CREB3: variants seen among roughly 807,000 people sequenced by gnomAD.
CREB3 encodes the protein cyclic AMP-responsive element-binding protein 3.
A neutral mutation model predicts 34.5 loss-of-function variants in CREB3; 29 were observed. The observed-to-expected ratio is 0.84, with a 90% CI of 0.63 to 1.15. CREB3 has a LOEUF of 1.15. CREB3 is among the 50% of genes most tolerant of loss of function. CREB3 has a pLI of 0.00. For synonymous variants in CREB3, 187 were observed against 173.9 expected, an observed-to-expected ratio of 1.08 and a Z score of -0.59; for missense variants, 447 against 443.4, an observed-to-expected ratio of 1.01 and a Z score of -0.07.
In CREB3 at chr9:35,733,437, A is replaced by G. The variant is rs149239671; in HGVS notation, c.387A>G (p.Leu129=). ...RLVLTDEEKS[L]LEKEGLILPE... ...TACTGACAGATGAGGAGAAGAGTCT[A>G]TTGGAGAAGGAGGGGCTTATTCTGC... Residue 129 remains leucine (L), a synonymous_variant, in exon 4 of 9, where the codon CTA becomes CTG. Coordinates refer to ENST00000353704, the MANE Select transcript of CREB3 (RefSeq NM_006368.5). 1.8e-4 allele frequency: 298 copies of G among 1,613,896 alleles called. No individual in the cohort carries two copies. The African/African-American group carries it at 3.1e-3, about 17-fold the overall frequency.
In CREB3 at chr9:35,733,469, C is replaced by T; in HGVS notation, c.419C>T (p.Thr140Ile). 6.2e-7 allele frequency: 1 copy of T among 1,611,584 alleles called. No homozygotes were observed. Residue 140 changes from threonine to isoleucine, a missense_variant, in exon 4 of 9, where the codon ACA becomes ATA. Coordinates refer to ENST00000353704, the MANE Select transcript of CREB3 (RefSeq NM_006368.5). ...LEKEGLILPE[T>I]LPLTKTEEQI... Reference sequence around the variant, plus strand: ...AAGGAGGGGCTTATTCTGCCTGAGACACTTCCTCTCACTAAGGTAAGACTC... The same window carrying T: ...AAGGAGGGGCTTATTCTGCCTGAGATACTTCCTCTCACTAAGGTAAGACTC...
At position 35,736,482 on chromosome 9, in the gene CREB3, C is replaced by T. The variant is rs1278735513; in HGVS notation, c.872C>T (p.Thr291Ile). 2.5e-6 allele frequency: 4 copies of T among 1,614,082 alleles called. No homozygotes were observed. Among genetic ancestry groups the T allele is most frequent in the Admixed American group, 1.7e-5 (1 of 60,006 alleles). ...CAGTCAGAAGTGCCGAAAGACAGCA[C>T]ACACCAGTGGTTGGACGGCTCAGAC... Reference protein sequence around the residue: ...ALQSEVPKDSTHQWLDGSDCV... With the variant: ...ALQSEVPKDSIHQWLDGSDCV... The change falls in exon 9 of 9, where the codon ACA becomes ATA. Residue 291 changes from threonine to isoleucine, a missense_variant. Transcript: ENST00000353704.
rs926101061 is a variant in CREB3 at position 35,736,002 on chromosome 9, A to G, written c.612-46A>G. On this transcript the variant is annotated intron_variant, in intron 6 of 8. Coordinates refer to ENST00000353704, the MANE Select transcript of CREB3 (RefSeq NM_006368.5). ...AACAGGAGTTTCACTGTGTCTCAGG[A>G]TGCTAGGCCAGGGGATGCTCACTAT... 2.1e-6 allele frequency: 3 copies of G among 1,448,500 alleles called. 1 individual carries two copies. The highest frequency in any genetic ancestry group is 1.1e-5 in the South Asian group (1 of 87,566). 89.7% of individuals were successfully genotyped at this position (1,448,500 alleles called of 1,614,324 possible).
Position 35,736,210 on chromosome 9 carries a change from T to C in CREB3, c.697-17T>C, listed in dbSNP as rs1462915579. On this transcript the variant is annotated splice_polypyrimidine_tract_variant and intron_variant, in intron 7 of 8. Coordinates refer to ENST00000353704, the MANE Select transcript of CREB3 (RefSeq NM_006368.5). ...CAATCCAGAGCCCTTCTTCATCTCC[T>C]TTTTCCTGTGCTCTAGGTCCTACTA... is the stretch of plus-strand genomic sequence containing the variant. The C allele has an allele frequency of 5.6e-6, 9 of 1,613,112 alleles. No individual in the cohort carries two copies. Among genetic ancestry groups the C allele is most frequent in the Non-Finnish European group, 7.6e-6 (9 of 1,179,150 alleles).
rs1587997713 is a variant in CREB3 at position 35,735,210 on chromosome 9, G to A, written c.537G>A (p.Glu179=). Residue 179 remains glutamate, a synonymous_variant, in exon 5 of 9, where the codon GAG becomes GAA. Coordinates refer to ENST00000353704, the MANE Select transcript of CREB3 (RefSeq NM_006368.5). Reference sequence around the variant, plus strand: ...AGAAGGTGTATGTTGGGGGTTTAGAGAGCAGGTATGAAAGGGAGAGGGACT... The same window carrying A: ...AGAAGGTGTATGTTGGGGGTTTAGAAAGCAGGTATGAAAGGGAGAGGGACT... ...RKKKVYVGGL[E]SRVLKYTAQN... The A allele has an allele frequency of 1.9e-6, 3 of 1,612,010 alleles. No homozygotes were observed.
Position 35,735,136 on chromosome 9 carries a change from C to T in CREB3, c.463C>T (p.Arg155Trp), listed in dbSNP as rs147168186. 1.2e-4 allele frequency: 197 copies of T among 1,603,576 alleles called. No individual in the cohort carries two copies. Among genetic ancestry groups the T allele is most frequent in the Non-Finnish European group, 4.6e-5 (54 of 1,177,618 alleles). Residue 155 changes from arginine to tryptophan, a missense_variant, in exon 5 of 9, where the codon CGG becomes TGG. Coordinates refer to ENST00000353704, the MANE Select transcript of CREB3 (RefSeq NM_006368.5). ...AGAGGAACAAATTCTGAAACGTGTG[C>T]GGAGGAAGATTCGAAATAAAAGATC... ...KTEEQILKRV[R>W]RKIRNKRSAQ...
chr9:35,735,282 C>A (rs1201981516), intron 5 of CREB3, 24 bp from the exon 6 acceptor site: 1 of 1,613,084 alleles, frequency 6.2e-7, no homozygotes, highest in Non-Finnish European at 8.5e-7. Flanking sequence ...GGCCATATCC[C>A]CGTATCTTTG....
rs373965466 is a variant in CREB3 at position 35,733,017 on chromosome 9, G to A, written c.151G>A (p.Asp51Asn). Reference protein sequence around the residue: ...LSEVPSDWEVDDLLCSLLSPP... With the variant: ...LSEVPSDWEVNDLLCSLLSPP... ...GCAGGTACCGAGCGACTGGGAAGTA[G>A]ATGATTTGCTGTGCTCCCTGCTGAG... is the stretch of plus-strand genomic sequence containing the variant. Residue 51 changes from aspartate to asparagine, a missense_variant, in exon 2 of 9, where the codon GAT becomes AAT. Asp to Asn is a conservative substitution (Grantham distance 23). Transcript: ENST00000353704. 2.5e-6 allele frequency: 4 copies of A among 1,614,102 alleles called. No homozygotes were observed. The African/African-American group carries it at 5.3e-5, about 22-fold the overall frequency.
At chr9:35,734,336 G>A (rs1826154572) in intron 4 of CREB3, among the ~76,000 whole-genome samples, 1 of 152,122 alleles carries the variant, frequency 6.6e-6, no homozygotes, top group Non-Finnish European at 1.5e-5. Flanking sequence ...TAGCAATAGA[G>A]TTATTGTCTC....
Position 35,734,972 on chromosome 9 carries a change from A to G in CREB3, c.436-137A>G, listed in dbSNP as rs1453530864. 6 of 695,744 alleles carry G rather than the reference A, an allele frequency of 8.6e-6. No homozygotes were observed. The East Asian group carries it at 1.7e-4, about 20-fold the overall frequency. 43.1% of individuals were successfully genotyped at this position (695,744 alleles called of 1,614,324 possible). A position where few individuals can be genotyped will look rare whatever the true frequency, so the allele number is the denominator to read the frequency against. On this transcript the variant is annotated intron_variant, in intron 4 of 8. Coordinates refer to ENST00000353704, the MANE Select transcript of CREB3 (RefSeq NM_006368.5). ...TAACACCTGGTCCGTGGAGGCATTC[A>G]GAAAGAATCTGAATGCCTGTTGGTC... is the stretch of plus-strand genomic sequence containing the variant.
In CREB3 at chr9:35,736,312, G is replaced by T; in HGVS notation, c.781+1G>T. 1 of 1,614,018 alleles carries T rather than the reference G, an allele frequency of 6.2e-7. No homozygotes were observed. The highest frequency in any genetic ancestry group is 8.5e-7 in the Non-Finnish European group (1 of 1,179,950). On this transcript the variant is annotated splice_donor_variant, in intron 8 of 8. Coordinates refer to ENST00000353704, the MANE Select transcript of CREB3 (RefSeq NM_006368.5). LOFTEE classifies it high-confidence loss of function. ...GGGAGCCTGCCAGCTGAGCATGGAG[G>T]TAAGAGGCTTAAGGATAGCTCTCAG...
At chr9:35,735,469 C>T (rs745893189) in intron 6 of CREB3, 95 bp downstream of exon 6, 3 of 1,088,468 alleles carry the variant, frequency 2.8e-6, no homozygotes, top group Non-Finnish European at 4.2e-6. Flanking sequence ...AACTGGGCAG[C>T]TGCCTTCACT....
At chr9:35,733,611 C>T (rs1826137058) in intron 4 of CREB3, 126 bp downstream of exon 4, 2 of 680,666 alleles carry the variant, frequency 2.9e-6, no homozygotes, top group South Asian at 3.7e-5. Context: ...AGATTTATTG[C>T]TAATAGGAAG....
Position 35,732,819 on chromosome 9 carries a change from T to C in CREB3, c.47T>C (p.Leu16Pro). Residue 16 changes from leucine to proline, a missense_variant, in exon 1 of 9, where the codon CTG (leucine) becomes CCG (proline). Leu to Pro is a moderately conservative substitution (Grantham distance 98, BLOSUM62 -3). Transcript: ENST00000353704. This position sits in a 1 kb window ranked among gnomAD's most constrained non-coding sequence, Gnocchi z 5.1. ...GGTGACCAAGACCTGCTGGCCTTCCTGCTAGAGGAAAGTGGAGATTTGGGG... is the reference window on the plus strand; with the variant it reads ...GGTGACCAAGACCTGCTGGCCTTCCCGCTAGAGGAAAGTGGAGATTTGGGG... ...DAGDQDLLAF[L>P]LEESGDLGTA... The C allele has an allele frequency of 1.2e-6, 2 of 1,614,208 alleles. No individual in the cohort carries two copies. Among genetic ancestry groups the C allele is most frequent in the Non-Finnish European group, 8.5e-7 (1 of 1,180,028 alleles).
chr9:35,734,449 CTTTT>C (rs113624223), intron 4 of CREB3, among the ~76,000 whole-genome samples: 2 of 146,550 alleles, frequency 1.4e-5, no homozygotes, highest in Non-Finnish European at 3.0e-5. Context: ...AAAATTTTGT[CTTTT>C]TTTTTTTCTT....
At position 35,732,951 on chromosome 9, in the gene CREB3, G is replaced by A. The variant is rs2131920946; in HGVS notation, c.130-45G>A. 1.2e-6 allele frequency: 2 copies of A among 1,613,090 alleles called. No individual in the cohort carries two copies. Among genetic ancestry groups the A allele is most frequent in the Middle Eastern group, 1.7e-4 (1 of 6,058 alleles). ...AAGCGTGGGATGTCCATGAAGTCAG[G>A]TGATGGTGATAAGGTCAAGGCCTGT... On this transcript the variant is annotated intron_variant, in intron 1 of 8. Transcript: ENST00000353704. This position sits in a 1 kb window ranked among gnomAD's most constrained non-coding sequence, Gnocchi z 5.1.
chr9:35,735,803 A>G (rs1387639493), intron 6 of CREB3, among the ~76,000 whole-genome samples: 3 of 152,252 alleles, frequency 2.0e-5, no homozygotes, highest in African/African-American at 7.2e-5. Context: ...ATATTCGCAA[A>G]GGAGGTTAAG....
At chr9:35,733,367 A>G (rs1342205500) in intron 3 of CREB3, 29 bp from the exon 4 acceptor site, 2 of 1,610,084 alleles carry the variant, frequency 1.2e-6, no homozygotes, top group Non-Finnish European at 1.7e-6. Context: ...ATCCCCATGC[A>G]ACTGCCGTCC....
At chr9:35,733,588 T>G in intron 4 of CREB3, 103 bp downstream of exon 4, 1 of 789,852 alleles carries the variant, frequency 1.3e-6, no homozygotes, top group Non-Finnish European at 2.1e-6. Flanking sequence ...AGGATTGAGG[T>G]GAGAAACTTA....
Sources: allele counts gnomAD v4.1 joint callset (sites outside exome capture counted in the v4.1 genomes callset), GRCh38; gene constraint gnomAD v4.1.1; non-coding constraint Gnocchi (gnomAD v3.1); transcripts MANE v1.5; gene names NCBI Gene and HGNC (gene_info 2026-07-23, HGNC 2026-07-21).